EMC3: variants seen among roughly 807,000 people sequenced by gnomAD.
EMC3 encodes ER membrane protein complex subunit 3, also known as 30 kDa protein.
EMC3 carries 13 observed loss-of-function variants against 36.6 expected under a neutral mutation model. That is an observed-to-expected ratio of 0.35 (90% CI 0.23 to 0.56). EMC3 has a LOEUF of 0.56. EMC3 is among the 20% of genes least tolerant of loss of function. The pLI, the probability that EMC3 is intolerant of heterozygous loss-of-function variation, is 0.84. For missense variants in EMC3, 220 were observed against 324.5 expected (o/e 0.68, Z 2.47); for synonymous variants, 120 against 111.9 (o/e 1.07, Z -0.46).
chr3:9,983,695 C>CA (rs559162012), intron 1 of EMC3, among the ~76,000 whole-genome samples: 2 of 151,826 alleles, frequency 1.3e-5, no homozygotes, highest in Non-Finnish European at 2.9e-5. Flanking sequence ...TTCTTGTAAA[C>CA]AGACTACACT....
chr3:9,969,238 G>A (rs1221096912), intron 7 of EMC3: 3 of 769,284 alleles, frequency 3.9e-6, no homozygotes, highest in Non-Finnish European at 5.0e-6. Context: ...GGGATTACAC[G>A]TGTGAGCCCC....
chr3:9,983,919 T>C (rs1339427733), intron 1 of EMC3, among the ~76,000 whole-genome samples: 1 of 152,136 alleles, frequency 6.6e-6, no homozygotes, highest in African/African-American at 2.4e-5. Flanking sequence ...CTACTTAACT[T>C]TTCCAGGCTC....
chr3:9,986,426 A>G lies in EMC3; in HGVS notation c.155+81T>C. 3 of 1,543,068 alleles carry G rather than the reference A, an allele frequency of 1.9e-6. No homozygotes were observed. In the South Asian group the frequency reaches 3.5e-5, roughly 18 times the overall value. On this transcript the variant is annotated intron_variant, in intron 1 of 7. Coordinates refer to ENST00000245046, the MANE Select transcript of EMC3 (RefSeq NM_001394674.1). The stretch of plus-strand genomic sequence containing the variant: ...GTCAGAGGGGGCGCGACGTGAACCT[A>G]GGCAAATTGACACAACTCCTGCACT...
chr3:10,008,227 C>G lies in EMC3; in HGVS notation c.-242+2796G>C. The G allele has an allele frequency of 9.8e-6, 4 of 406,124 alleles. 1 individual carries two copies. The highest frequency in any genetic ancestry group is 8.1e-5 in the South Asian group (4 of 49,476). The allele number at this position is 406,124 out of a possible 1,614,324, so 25.2% of individuals were successfully genotyped here. A position where few individuals can be genotyped will look rare whatever the true frequency, so the allele number is the denominator to read the frequency against. On this transcript the variant is annotated intron_variant, in intron 1 of 8. Transcript: ENST00000470827. ...ATTCCCCAGGCGTGGCTTTTACTAT[C>G]ACTGGACGAGGCCAGAATTCTTTCT... is the stretch of plus-strand genomic sequence containing the variant.
At chr3:9,997,522 C>T (rs1290247192) in intron 1 of EMC3, among the ~76,000 whole-genome samples, 1 of 152,178 alleles carries the variant, frequency 6.6e-6, no homozygotes, top group Non-Finnish European at 1.5e-5. Context: ...CGCAGTGGCA[C>T]GATATCAGCT....
intron 1 of EMC3, among the ~76,000 whole-genome samples, chr3:10,000,308 A>G (rs71314385): frequency 0.23 from 34,277 of 152,046 alleles, 4,484 homozygotes; most frequent in African/African-American, 0.36. Flanking sequence ...CCAAAGTGCT[A>G]GGATTACAGG....
intron 5 of EMC3, among the ~76,000 whole-genome samples, chr3:9,973,243 G>A (rs1407748256): frequency 6.6e-6 from 1 of 150,930 alleles, no homozygotes; most frequent in African/African-American, 2.4e-5. Flanking sequence ...CGCCCAGGCT[G>A]GAGTGCAGTG....
chr3:9,963,855 TACA>T lies in EMC3; in HGVS notation c.*211_*213del, dbSNP rs1474341324. The T allele has an allele frequency of 3.9e-5, 24 of 614,316 alleles. No homozygotes were observed. The highest frequency in any genetic ancestry group is 4.7e-5 in the South Asian group (2 of 42,738). 38.1% of individuals were successfully genotyped at this position (614,316 alleles called of 1,614,324 possible). A position where few individuals can be genotyped will look rare whatever the true frequency, so the allele number is the denominator to read the frequency against. On this transcript the variant is annotated 3_prime_UTR_variant, in exon 8 of 8. Coordinates refer to ENST00000245046, the MANE Select transcript of EMC3 (RefSeq NM_001394674.1). The stretch of plus-strand genomic sequence containing the variant: ...TACTAGAGTCACCAGAAGGAACATT[TACA>T]ACATTTTAAAAATAACAAGTTGCCC...
chr3:9,979,160 T>G (rs2085883071), intron 1 of EMC3, among the ~76,000 whole-genome samples: 2 of 152,212 alleles, frequency 1.3e-5, no homozygotes, highest in African/African-American at 2.4e-5. Flanking sequence ...CAACATGTAA[T>G]ACATTCTGCT....
Position 9,963,835 on chromosome 3 carries a change from G to C in EMC3, c.*234C>G, listed in dbSNP as rs7624814. The C allele has an allele frequency of 2.1e-5, 10 of 481,116 alleles. No individual in the cohort carries two copies. Among genetic ancestry groups the C allele is most frequent in the Non-Finnish European group, 2.1e-5 (6 of 287,824 alleles). 29.8% of individuals were successfully genotyped at this position (481,116 alleles called of 1,614,324 possible). A position where few individuals can be genotyped will look rare whatever the true frequency, so the allele number is the denominator to read the frequency against. On this transcript the variant is annotated 3_prime_UTR_variant, in exon 8 of 8. Transcript: ENST00000245046. ...CCCCTTTCTCTGACTTTCATTACTA[G>C]AGTCACCAGAAGGAACATTTACAAC... is the stretch of plus-strand genomic sequence containing the variant.
At chr3:10,000,522 A>G (rs776308535) in intron 1 of EMC3, 6 of 234,420 alleles carry the variant, frequency 2.6e-5, no homozygotes, top group Non-Finnish European at 4.4e-5. Flanking sequence ...ACAACTGCCC[A>G]ACAAAATATT....
upstream of EMC3, among the ~76,000 whole-genome samples, chr3:9,989,326 G>A (rs1425035044): frequency 3.3e-5 from 5 of 152,130 alleles, no homozygotes; most frequent in South Asian, 2.1e-4. Context: ...TGAGGCAGGC[G>A]GATCATCTGA....
chr3:9,998,161 T>G (rs1256743520), intron 1 of EMC3, among the ~76,000 whole-genome samples: 4 of 151,852 alleles, frequency 2.6e-5, no homozygotes, highest in East Asian at 3.9e-4. Context: ...GGTCAGGAGA[T>G]TGAGACCATC....
intron 1 of EMC3, among the ~76,000 whole-genome samples, chr3:9,993,983 T>A (rs2086090308): frequency 6.6e-6 from 1 of 152,302 alleles, no homozygotes; most frequent in Admixed American, 6.5e-5. Context: ...TCAATTAATA[T>A]CCAAATGTGG....
At chr3:10,000,318 G>C (rs1014143724) in intron 1 of EMC3, among the ~76,000 whole-genome samples, 4 of 152,148 alleles carry the variant, frequency 2.6e-5, no homozygotes, top group African/African-American at 9.7e-5. Context: ...AGGATTACAG[G>C]CATGAGCTAC....
At chr3:9,988,574 C>A, upstream of EMC3, 1 of 876,770 alleles carries the variant, frequency 1.1e-6, no homozygotes, top group South Asian at 1.3e-5. Flanking sequence ...TCTCAAAACT[C>A]ATTCAAGTGG....
chr3:10,001,278 T>C (rs2086195695), intron 1 of EMC3, among the ~76,000 whole-genome samples: 1 of 152,022 alleles, frequency 6.6e-6, no homozygotes, highest in South Asian at 2.1e-4. Context: ...AATCAATTTG[T>C]CGGCCGGGCA....
chr3:10,008,248 T>C (rs2086285890), intron 1 of EMC3: 3 of 475,646 alleles, frequency 6.3e-6, no homozygotes, highest in Non-Finnish European at 1.1e-5. Context: ...GCCAGAATTC[T>C]TTCTGGCTGT....
At chr3:10,001,284 G>A (rs1051113561) in intron 1 of EMC3, among the ~76,000 whole-genome samples, 2 of 152,076 alleles carry the variant, frequency 1.3e-5, no homozygotes, top group African/African-American at 2.4e-5. Flanking sequence ...TTTGTCGGCC[G>A]GGCATGGTGG....
Sources: gnomAD v4.1 joint callset for allele counts (sites outside exome capture counted in the v4.1 genomes callset) on GRCh38, gnomAD v4.1.1 for gene constraint, MANE v1.5 for transcripts, NCBI Gene and HGNC (gene_info 2026-07-23, HGNC 2026-07-21) for gene names.